WIF1: variants seen among roughly 807,000 people sequenced by gnomAD.
WIF1 encodes Wnt inhibitory factor 1.
A neutral mutation model predicts 53.5 loss-of-function variants in WIF1; 35 were observed. The observed-to-expected ratio is 0.65, with a 90% CI of 0.50 to 0.87. WIF1 has a LOEUF of 0.87. WIF1 is among the 40% of genes least tolerant of loss of function. WIF1 has a pLI of 0.00. For synonymous variants in WIF1, 171 were observed against 170.4 expected (o/e 1.00, Z -0.03); for missense variants, 467 against 476.8 (o/e 0.98, Z 0.19).
intron 2 of WIF1, among the ~76,000 whole-genome samples, chr12:65,107,051 G>A (rs920901393): frequency 2.0e-5 from 3 of 152,154 alleles, no homozygotes; most frequent in African/African-American, 7.2e-5. Context: ...ATGAGCTATT[G>A]AAATGAGTGA....
intron 2 of WIF1, among the ~76,000 whole-genome samples, chr12:65,114,929 T>C (rs1883486486): frequency 6.6e-6 from 1 of 152,176 alleles, no homozygotes; most frequent in South Asian, 2.1e-4. Flanking sequence ...TTCTGCACAC[T>C]ATACATGATA....
chr12:65,107,470 A>T (rs1883368011), intron 2 of WIF1, among the ~76,000 whole-genome samples: 1 of 152,126 alleles, frequency 6.6e-6, no homozygotes, highest in Non-Finnish European at 1.5e-5. Flanking sequence ...CTAAAAATAC[A>T]AAAATTAGCC....
intron 2 of WIF1, among the ~76,000 whole-genome samples, chr12:65,080,096 C>T (rs1882924998): frequency 1.3e-5 from 2 of 152,048 alleles, no homozygotes; most frequent in Non-Finnish European, 2.9e-5. Flanking sequence ...ATAATAATGC[C>T]AAGGGGTAGT....
chr12:65,051,842 A>C (rs1257889085), intron 9 of WIF1, among the ~76,000 whole-genome samples: 2 of 152,234 alleles, frequency 1.3e-5, no homozygotes, highest in Non-Finnish European at 2.9e-5. Flanking sequence ...ACTGCACTGC[A>C]AACCTAACCT....
chr12:65,074,817 CAAAAAAAA>C (rs758690202), intron 3 of WIF1, among the ~76,000 whole-genome samples: 1 of 55,452 alleles, frequency 1.8e-5, no homozygotes, highest in Non-Finnish European at 3.2e-5. Flanking sequence ...CACTCTGTCT[CAAAAAAAA>C]AAAAAAAAAA....
intron 9 of WIF1, among the ~76,000 whole-genome samples, chr12:65,052,785 G>T (rs1222707299): frequency 6.6e-6 from 1 of 152,170 alleles, no homozygotes; most frequent in Non-Finnish European, 1.5e-5. Flanking sequence ...CCAAGTGGGG[G>T]TGCTGTTTGG....
chr12:65,064,106 A>G (rs1882653128), intron 6 of WIF1, among the ~76,000 whole-genome samples: 1 of 152,230 alleles, frequency 6.6e-6, no homozygotes, highest in African/African-American at 2.4e-5. Flanking sequence ...TCTGGGAGAT[A>G]GAAGGGAATG....
intron 2 of WIF1, among the ~76,000 whole-genome samples, chr12:65,086,366 C>T (rs769479395): frequency 2.6e-5 from 4 of 151,950 alleles, no homozygotes; most frequent in African/African-American, 4.8e-5. Flanking sequence ...AGTCCTGGGT[C>T]GATGCCAACC....
chr12:65,096,729 G>T (rs1883210354), intron 2 of WIF1, among the ~76,000 whole-genome samples: 1 of 152,106 alleles, frequency 6.6e-6, no homozygotes, highest in Non-Finnish European at 1.5e-5. Flanking sequence ...CATGGATGAA[G>T]CTGGAAGCCA....
chr12:65,079,922 A>C (rs1488215532), intron 2 of WIF1, among the ~76,000 whole-genome samples: 2 of 152,218 alleles, frequency 1.3e-5, no homozygotes, highest in African/African-American at 4.8e-5. Flanking sequence ...AAATTACATT[A>C]ACATGGGCTA....
intron 2 of WIF1, among the ~76,000 whole-genome samples, chr12:65,082,021 T>C (rs928540540): frequency 3.3e-5 from 5 of 152,114 alleles, no homozygotes; most frequent in Admixed American, 1.3e-4. Context: ...TCCACAAATA[T>C]AGTATTATGA....
chr12:65,069,543 A>C (rs1882741714), intron 3 of WIF1, among the ~76,000 whole-genome samples: 1 of 152,226 alleles, frequency 6.6e-6, no homozygotes, highest in Non-Finnish European at 1.5e-5. Flanking sequence ...TTTGTTAATA[A>C]GAAGTGTCCA....
intron 2 of WIF1, among the ~76,000 whole-genome samples, chr12:65,116,512 A>T (rs969059951): frequency 1.4e-4 from 22 of 152,026 alleles, no homozygotes; most frequent in African/African-American, 5.3e-4. Context: ...GCTCCCACTG[A>T]TTCCACATTA....
chr12:65,089,179 A>G (rs1592397242), intron 2 of WIF1, among the ~76,000 whole-genome samples: 1 of 152,152 alleles, frequency 6.6e-6, no homozygotes, highest in African/African-American at 2.4e-5. Flanking sequence ...GATAATGGAC[A>G]AACTCATTAT....
At chr12:65,119,522 G>A (rs919776543) in intron 2 of WIF1, among the ~76,000 whole-genome samples, 22 of 152,006 alleles carry the variant, frequency 1.4e-4, no homozygotes, top group African/African-American at 5.1e-4. Context: ...AAGTGTTTTC[G>A]GTATCACATT....
chr12:65,062,313 C>T (rs1882625173), intron 7 of WIF1, among the ~76,000 whole-genome samples, 168 bp downstream of exon 7: 1 of 152,122 alleles, frequency 6.6e-6, no homozygotes, highest in African/African-American at 2.4e-5. Context: ...CCACCTTCAG[C>T]CAAAATGCAT....
In WIF1 at chr12:65,051,297, T is replaced by C; in HGVS notation, c.*52A>G. 1 of 1,575,220 alleles carries C rather than the reference T, an allele frequency of 6.3e-7. No homozygotes were observed. The highest frequency in any genetic ancestry group is 8.6e-7 in the Non-Finnish European group (1 of 1,160,210). On this transcript the variant is annotated 3_prime_UTR_variant, in exon 10 of 10. Transcript: ENST00000286574. ...ATTTGAACATTCAACACATGAAAGG[T>C]TAACAAAGGCTATGAACTTGGTGTA...
chr12:65,051,706 A>G (rs1882444953), intron 9 of WIF1, among the ~76,000 whole-genome samples: 2 of 152,222 alleles, frequency 1.3e-5, no homozygotes, highest in Admixed American at 6.5e-5. Flanking sequence ...CTGGCCATGC[A>G]GAAACTCTTG....
rs573017202 is a variant in WIF1, at chr12:65,075,290, T to C, written c.397+2456A>G. ...ATCCACTGGAAGTGGTAGATAACCG[T>C]AATCTGAAAATGCCCTTTGTAAAAG... On this transcript the variant is annotated intron_variant, in intron 3 of 9. Coordinates refer to ENST00000286574, the MANE Select transcript of WIF1 (RefSeq NM_007191.5). Among the ~76,000 whole-genome samples the C allele has an allele frequency of 1.7e-4, 26 of 152,362 alleles. No homozygotes were observed. The South Asian group carries it at 5.4e-3, about 32-fold the overall frequency.
Sources: allele counts gnomAD v4.1 joint callset (sites outside exome capture counted in the v4.1 genomes callset), GRCh38; gene constraint gnomAD v4.1.1; transcripts MANE v1.5; gene names NCBI Gene and HGNC (gene_info 2026-07-23, HGNC 2026-07-21).